Variants in GPR143 observed in about 807,000 individuals in gnomAD.
GPR143 encodes G-protein coupled receptor 143.
In GPR143, 8 loss-of-function variants were observed where a neutral mutation model predicts 27.6. That is an observed-to-expected ratio of 0.29 (90% CI 0.17 to 0.52). GPR143 has a LOEUF of 0.52. GPR143 is among the 20% of genes least tolerant of loss of function. The probability of loss-of-function intolerance (pLI) is 0.96; values close to 1 mark genes in which losing one functional copy is unlikely to be tolerated. For synonymous variants in GPR143, 156 were observed against 153.2 expected (o/e 1.02, Z -0.13); for missense variants, 303 against 343.1 (o/e 0.88, Z 0.92).
chrX:9,774,630 A>T lies in GPR143; in HGVS notation c.-3+11612T>A, dbSNP rs1333638479. 6.0e-4 allele frequency among the ~76,000 whole-genome samples: 27 copies of T among 45,075 alleles called. No homozygotes were observed. The Admixed American group carries it at 6.2e-3, about 10-fold the overall frequency. The allele number at this position is 45,075 out of a possible 115,157, so 39.1% of individuals were successfully genotyped here. A position where few individuals can be genotyped will look rare whatever the true frequency, so the allele number is the denominator to read the frequency against. On this transcript the variant is annotated intron_variant, in intron 1 of 7. Coordinates refer to the GPR143 transcript ENST00000447366. ...GAAATCTTTAATGGACGGAAGGAGGACTCCATCCTGGGGTCTCTAGGTAGC... is the reference window on the plus strand; with the variant it reads ...GAAATCTTTAATGGACGGAAGGAGGTCTCCATCCTGGGGTCTCTAGGTAGC...
intron 3 of GPR143, among the ~76,000 whole-genome samples, chrX:9,752,605 G>C (rs997760321): frequency 3.6e-5 from 4 of 111,927 alleles, no homozygotes; most frequent in Non-Finnish European, 7.5e-5. Context: ...CAGCTGCAGA[G>C]AACCAGAGAG....
At position 9,725,684 on chromosome X, in the gene GPR143, T is replaced by C; in HGVS notation, c.*62A>G. 2.3e-6 allele frequency: 2 copies of C among 887,262 alleles called. No homozygotes were observed. The highest frequency in any genetic ancestry group is 1.6e-6 in the Non-Finnish European group (1 of 606,599). 73.1% of individuals were successfully genotyped at this position (887,262 alleles called of 1,213,427 possible). A position where few individuals can be genotyped will look rare whatever the true frequency, so the allele number is the denominator to read the frequency against. On this transcript the variant is annotated 3_prime_UTR_variant, in exon 9 of 9. Transcript: ENST00000467482. ...AGTGTTGGGAAGGTGAGAACACAGT[T>C]CTAAAGAACAAGAATTGTTGAGTCT...
chrX:9,745,834 G>A (rs1047269421), intron 5 of GPR143, among the ~76,000 whole-genome samples: 8 of 112,242 alleles, frequency 7.1e-5, no homozygotes, highest in African/African-American at 2.6e-4. Context: ...AACAAACGAT[G>A]GTACAGAACT....
rs1027339737 is a variant in GPR143 at position 9,765,194 on chromosome X, T to G, written c.250+374A>C. Among the ~76,000 whole-genome samples, 4 of 110,475 alleles carry G rather than the reference T, an allele frequency of 3.6e-5. No individual in the cohort carries two copies. In the South Asian group the frequency reaches 1.5e-3, roughly 42 times the overall value. ...AACCCGAGTGGATCGAGTTCCAACC[T>G]GCGGGCCATGCGCCCTCACCCGGGC... On this transcript the variant is annotated intron_variant, in intron 1 of 8. Coordinates refer to ENST00000467482, the MANE Select transcript of GPR143 (RefSeq NM_000273.3).
chrX:9,747,767 A>T (rs1335185185), intron 4 of GPR143: 1 of 112,287 alleles, frequency 8.9e-6, no homozygotes, highest in Non-Finnish European at 1.9e-5. Flanking sequence ...TGAGGCAACT[A>T]CTCAACTCTG....
At chrX:9,749,214 A>G (rs1313137006) in intron 3 of GPR143, among the ~76,000 whole-genome samples, 1 of 102,154 alleles carries the variant, frequency 9.8e-6, no homozygotes, top group Non-Finnish European at 1.9e-5. Flanking sequence ...TGGTTTTATA[A>G]GGGGATTTCC....
At chrX:9,765,023 CAAA>C (rs549035721) in intron 1 of GPR143, among the ~76,000 whole-genome samples, 17 of 86,220 alleles carry the variant, frequency 2.0e-4, no homozygotes, top group African/African-American at 3.8e-4. Flanking sequence ...GACTCCGTCT[CAAA>C]AAAAAAAAAA....
intron 8 of GPR143, among the ~76,000 whole-genome samples, chrX:9,732,270 G>C (rs1225587217): frequency 9.0e-6 from 1 of 111,525 alleles, no homozygotes; most frequent in East Asian, 2.8e-4. Flanking sequence ...GCAGGGAATT[G>C]TGTGAAGGAC....
chrX:9,745,085 C>T (rs1375551643), intron 5 of GPR143, among the ~76,000 whole-genome samples: 1 of 111,747 alleles, frequency 8.9e-6, no homozygotes, highest in Non-Finnish European at 1.9e-5. Context: ...AACCCCGTCT[C>T]TACTAAAAAT....
Position 9,748,634 on chromosome X carries a change from C to A in GPR143, c.488G>T (p.Gly163Val). 8.3e-7 allele frequency: 1 copy of A among 1,206,273 alleles called. No homozygotes were observed. The highest frequency in any genetic ancestry group is 1.1e-6 in the Non-Finnish European group (1 of 890,461). The change falls in exon 4 of 9, where the codon GGC (glycine) becomes GTC (valine). Residue 163 changes from glycine to valine, a missense_variant. Physicochemically the swap from Gly to Val is moderately radical, Grantham distance 109. Coordinates refer to ENST00000467482, the MANE Select transcript of GPR143 (RefSeq NM_000273.3). Reference protein sequence around the residue: ...TILLYHIMAWGLATLLCVEGA... With the variant: ...TILLYHIMAWVLATLLCVEGA... ...CTCCACACAGAGCAGGGTGGCCAGG[C>A]CCCACGCCATGATGTGATACAGCAG...
At chrX:9,770,286 G>A (rs2083549177), upstream of GPR143, among the ~76,000 whole-genome samples, 1 of 103,060 alleles carries the variant, frequency 9.7e-6, no homozygotes, top group South Asian at 4.5e-4. Context: ...CTCCAGCCTG[G>A]GCGACAGAGC....
At chrX:9,763,773 A>G (rs1438585625) in intron 1 of GPR143, among the ~76,000 whole-genome samples, 3 of 112,369 alleles carry the variant, frequency 2.7e-5, no homozygotes, top group South Asian at 3.6e-4. Flanking sequence ...AAAGTGTCAC[A>G]TAATAGTTTA....
chrX:9,757,903 C>A (rs780963236), intron 3 of GPR143, among the ~76,000 whole-genome samples: 1 of 110,395 alleles, frequency 9.1e-6, no homozygotes, highest in East Asian at 2.8e-4. Flanking sequence ...CTGGGACCAC[C>A]GTTGCACCCC....
intron 1 of GPR143, among the ~76,000 whole-genome samples, chrX:9,772,217 C>T (rs193089501): frequency 1.8e-5 from 2 of 111,437 alleles, no homozygotes; most frequent in Admixed American, 9.6e-5. Flanking sequence ...AATAGGATGT[C>T]CTGACAATTT....
intron 6 of GPR143, 47 bp downstream of exon 6, chrX:9,743,518 C>A: frequency 1.4e-6 from 1 of 706,983 alleles, no homozygotes. Flanking sequence ...GTTTCCATAG[C>A]CCTTCCCACT....
At chrX:9,770,073 G>T (rs2083547825), upstream of GPR143, among the ~76,000 whole-genome samples, 1 of 102,048 alleles carries the variant, frequency 9.8e-6, no homozygotes, top group Non-Finnish European at 2.0e-5. Flanking sequence ...TACTTTGGGA[G>T]GCCAAGGTGG....
chrX:9,747,676 C>T (rs1436556945), intron 4 of GPR143, among the ~76,000 whole-genome samples: 1 of 111,493 alleles, frequency 9.0e-6, no homozygotes, highest in Non-Finnish European at 1.9e-5. Context: ...ATTATCTACA[C>T]CAATTTTTTT....
intron 3 of GPR143, 121 bp from the exon 4 acceptor site, chrX:9,748,787 G>A (rs1295596017): frequency 4.1e-5 from 21 of 511,215 alleles, no homozygotes; most frequent in Admixed American, 3.1e-4. Flanking sequence ...AAAGCCCCTC[G>A]GCAAAGAGTT....
At chrX:9,759,540 G>A (rs912633071) in intron 2 of GPR143, 114 bp from the exon 3 acceptor site, 12 of 536,281 alleles carry the variant, frequency 2.2e-5, no homozygotes, top group Non-Finnish European at 3.0e-5. Flanking sequence ...GAAGCCGCAC[G>A]TGACAGCTCT....
Sources: allele counts gnomAD v4.1 joint callset (sites outside exome capture counted in the v4.1 genomes callset), GRCh38; gene constraint gnomAD v4.1.1; transcripts MANE v1.5; gene names NCBI Gene and HGNC (gene_info 2026-07-23, HGNC 2026-07-21).